Variants in ARHGAP10 observed in about 807,000 individuals in gnomAD.
ARHGAP10 encodes rho GTPase-activating protein 10.
ARHGAP10 carries 87 observed loss-of-function variants against 108.6 expected under a neutral mutation model. The observed-to-expected ratio is 0.80, with a 90% CI of 0.67 to 0.96. ARHGAP10 has a LOEUF of 0.96. Among genes scored for constraint, ARHGAP10 ranks in the 40% least tolerant of loss-of-function variants. The pLI is 0.00. For missense variants in ARHGAP10, 939 were observed against 954.5 expected, an observed-to-expected ratio of 0.98 and a Z score of 0.21; for synonymous variants, 347 against 341.1, an observed-to-expected ratio of 1.02 and a Z score of -0.19.
intron 4 of ARHGAP10, among the ~76,000 whole-genome samples, chr4:147,854,453 C>G (rs954732041): frequency 1.3e-5 from 2 of 152,216 alleles, no homozygotes; most frequent in Non-Finnish European, 2.9e-5. Context: ...CTGTTTCACT[C>G]ATTAGATTAC....
At chr4:147,936,800 A>G (rs1281201854) in intron 13 of ARHGAP10, among the ~76,000 whole-genome samples, 3 of 152,204 alleles carry the variant, frequency 2.0e-5, no homozygotes, top group Non-Finnish European at 4.4e-5. Flanking sequence ...TTGGGCTGCC[A>G]TAATAAAGTA....
At chr4:147,856,692 A>G (rs1734097882) in intron 4 of ARHGAP10, among the ~76,000 whole-genome samples, 1 of 152,212 alleles carries the variant, frequency 6.6e-6, no homozygotes, top group South Asian at 2.1e-4. Flanking sequence ...AGATATTCCA[A>G]AATTCAAAAA....
chr4:147,777,072 G>C (rs552483176), intron 1 of ARHGAP10, among the ~76,000 whole-genome samples: 9 of 152,226 alleles, frequency 5.9e-5, no homozygotes, highest in East Asian at 3.9e-4. Flanking sequence ...GCTGATAGCT[G>C]TTACAGTCAG....
At chr4:147,989,278 A>G (rs1740171305) in intron 18 of ARHGAP10, among the ~76,000 whole-genome samples, 1 of 152,258 alleles carries the variant, frequency 6.6e-6, no homozygotes, top group Non-Finnish European at 1.5e-5. Context: ...GCAGGGCGAG[A>G]TCACAGGACC....
At chr4:147,876,965 G>T (rs1267375967) in intron 8 of ARHGAP10, among the ~76,000 whole-genome samples, 1 of 152,230 alleles carries the variant, frequency 6.6e-6, no homozygotes, top group African/African-American at 2.4e-5. Flanking sequence ...TCTGAACCTG[G>T]AGTCTGTGTT....
At chr4:148,005,623 C>G (rs951592652) in intron 18 of ARHGAP10, among the ~76,000 whole-genome samples, 1 of 152,100 alleles carries the variant, frequency 6.6e-6, no homozygotes, top group Non-Finnish European at 1.5e-5. Flanking sequence ...TTTGACTAAT[C>G]TGTTGGGTAA....
Position 147,798,773 on chromosome 4 carries a change from CTCTCTCTCTA to C in ARHGAP10, c.155-23952_155-23943del, listed in dbSNP as rs1731447244. Among the ~76,000 whole-genome samples the C allele has an allele frequency of 2.3e-3, 11 of 4,718 alleles. 1 individual carries two copies. The highest frequency in any genetic ancestry group is 0.022 in the East Asian group (1 of 46). 3.1% of individuals were successfully genotyped at this position (4,718 alleles called of 152,430 possible). On this transcript the variant is annotated intron_variant, in intron 1 of 22. Coordinates refer to ENST00000336498, the MANE Select transcript of ARHGAP10 (RefSeq NM_024605.4). ...TCTCTCTCTCTCTCTCTCTCTCTCTCTCTCTCTCTATATATATATATATATATATATATAT... is the reference window on the plus strand; with the variant it reads ...TCTCTCTCTCTCTCTCTCTCTCTCTCTATATATATATATATATATATATAT...
At chr4:147,789,670 A>G (rs935863484) in intron 1 of ARHGAP10, among the ~76,000 whole-genome samples, 7 of 152,208 alleles carry the variant, frequency 4.6e-5, no homozygotes, top group Admixed American at 1.3e-4. Flanking sequence ...CAAATCTCAC[A>G]TTTTAGATAG....
intron 13 of ARHGAP10, among the ~76,000 whole-genome samples, chr4:147,920,380 A>G (rs1737189699): frequency 7.1e-6 from 1 of 140,004 alleles, no homozygotes; most frequent in South Asian, 2.2e-4. Flanking sequence ...GCGCCACTGC[A>G]CTCCAGCCTG....
At chr4:147,762,116 T>C (rs1729613155) in intron 1 of ARHGAP10, among the ~76,000 whole-genome samples, 1 of 152,158 alleles carries the variant, frequency 6.6e-6, no homozygotes, top group African/African-American at 2.4e-5. Flanking sequence ...CAAGCTATTC[T>C]CCTGCTTCAG....
chr4:147,798,781 C>CTCTCTA (rs1731452503), intron 1 of ARHGAP10, among the ~76,000 whole-genome samples: 2 of 7,220 alleles, frequency 2.8e-4, no homozygotes, highest in Admixed American at 1.7e-3. Context: ...CTCTCTCTCT[C>CTCTCTA]TATATATATA....
At chr4:147,781,653 G>A (rs1342394335) in intron 1 of ARHGAP10, among the ~76,000 whole-genome samples, 1 of 146,874 alleles carries the variant, frequency 6.8e-6, no homozygotes, top group African/African-American at 2.5e-5. Flanking sequence ...AAATGTACCA[G>A]TTTTCTTTCA....
intron 19 of ARHGAP10, among the ~76,000 whole-genome samples, chr4:148,036,507 T>C (rs1474534863): frequency 6.6e-6 from 1 of 152,250 alleles, no homozygotes; most frequent in Non-Finnish European, 1.5e-5. Context: ...GATGGTTTTA[T>C]AAGGGGGCTT....
At chr4:147,746,086 C>T (rs1012169462) in intron 1 of ARHGAP10, among the ~76,000 whole-genome samples, 31 of 151,718 alleles carry the variant, frequency 2.0e-4, no homozygotes, top group African/African-American at 7.3e-4. Flanking sequence ...CCGTGCCCTG[C>T]CACAAAGTGC....
Position 147,866,414 on chromosome 4 carries a change from A to G in ARHGAP10, c.598-298A>G, listed in dbSNP as rs180881614. ...TAAGATTTCAATTACAAATATTGGG[A>G]TTCTCCTGACTAAAGAGGACAAATG... is the stretch of plus-strand genomic sequence containing the variant. On this transcript the variant is annotated intron_variant, in intron 6 of 22. Transcript: ENST00000336498. The G allele has an allele frequency of 1.4e-4, 34 of 249,310 alleles. No individual in the cohort carries two copies. The Admixed American group carries it at 1.6e-3, about 12-fold the overall frequency. 15.4% of individuals were successfully genotyped at this position (249,310 alleles called of 1,614,324 possible).
Position 147,965,025 on chromosome 4 carries a change from A to G in ARHGAP10, c.1452A>G (p.Lys484=). ...ELHGDFIVPA[K]SGSPESRVNA... ...TTATTATTATTTTTTTTTTGGAAGA[A>G]AGCGGCAGCCCAGAATCTCGTGTTA... Residue 484 remains lysine, a splice_region_variant and synonymous_variant, in exon 17 of 23, where the codon AAA becomes AAG. Coordinates refer to ENST00000336498, the MANE Select transcript of ARHGAP10 (RefSeq NM_024605.4). 6.5e-7 allele frequency: 1 copy of G among 1,530,288 alleles called. No homozygotes were observed. 94.8% of individuals were successfully genotyped at this position (1,530,288 alleles called of 1,614,324 possible). A position where few individuals can be genotyped will look rare whatever the true frequency, so the allele number is the denominator to read the frequency against.
At chr4:147,858,363 T>A (rs1042034250) in intron 5 of ARHGAP10, 26 of 152,170 alleles carry the variant, frequency 1.7e-4, no homozygotes, top group African/African-American at 5.8e-4. Flanking sequence ...CTTGTTTTTT[T>A]AACACATAAG....
intron 18 of ARHGAP10, among the ~76,000 whole-genome samples, chr4:148,007,784 T>C (rs1741009106): frequency 6.6e-6 from 1 of 152,240 alleles, no homozygotes; most frequent in African/African-American, 2.4e-5. Flanking sequence ...TACAAGGTTA[T>C]TCCTCTTCCA....
chr4:147,734,441 A>G (rs529228881), intron 1 of ARHGAP10, among the ~76,000 whole-genome samples: 1 of 152,258 alleles, frequency 6.6e-6, no homozygotes, highest in East Asian at 1.9e-4. Context: ...CTTTGAGAGT[A>G]ATTGGGAAGT....
Sources: gnomAD v4.1 joint callset for allele counts (sites outside exome capture counted in the v4.1 genomes callset) on GRCh38, gnomAD v4.1.1 for gene constraint, MANE v1.5 for transcripts, NCBI Gene and HGNC (gene_info 2026-07-23, HGNC 2026-07-21) for gene names.